RXRA: variants seen among roughly 807,000 people sequenced by gnomAD.
RXRA encodes retinoid X receptor alpha.
A neutral mutation model predicts 44.5 loss-of-function variants in RXRA; 5 were observed. That is an observed-to-expected ratio of 0.11 (90% CI 0.06 to 0.24). The LOEUF is 0.24. Ranked by LOEUF, RXRA falls within the 10% of genes least tolerant of loss-of-function variation. RXRA has a pLI of 1.00. For missense variants in RXRA, 412 were observed against 646.5 expected, an observed-to-expected ratio of 0.64 and a Z score of 3.93; for synonymous variants, 291 against 271.4, an observed-to-expected ratio of 1.07 and a Z score of -0.71.
chr9:134,346,504 T>G (rs1487881792), intron 1 of RXRA, among the ~76,000 whole-genome samples: 1 of 152,188 alleles, frequency 6.6e-6, no homozygotes, highest in African/African-American at 2.4e-5. Context: ...GTCCTGCCAG[T>G]GGCTGGCCGT....
At chr9:134,346,711 T>C (rs1830157301) in intron 1 of RXRA, among the ~76,000 whole-genome samples, 2 of 152,222 alleles carry the variant, frequency 1.3e-5, no homozygotes, top group African/African-American at 4.8e-5. Flanking sequence ...GGGGATGTCA[T>C]GTACCTTCAC....
At chr9:134,401,903 A>C in intron 2 of RXRA, 21 bp downstream of exon 2, 10 of 1,425,248 alleles carry the variant, frequency 7.0e-6, no homozygotes, top group African/African-American at 1.4e-5. Context: ...GGCTGGGGCA[A>C]GGGGAGGGGG....
In RXRA at chr9:134,349,829, G is replaced by A. The variant is rs1446055104; in HGVS notation, c.28+23170G>A. On this transcript the variant is annotated intron_variant, in intron 1 of 9. Coordinates refer to ENST00000481739, the MANE Select transcript of RXRA (RefSeq NM_002957.6). The surrounding 1 kb of genome is among the most constrained non-coding windows in gnomAD (Gnocchi z 4.3). ...AGAGCTGGGCTAGCTCGGGTGGGCG[G>A]GCGGGTGCCGCAGGCTCTCCTGTGG... Among the ~76,000 whole-genome samples, 1 of 146,358 alleles carries A rather than the reference G, an allele frequency of 6.8e-6. No homozygotes were observed. Among genetic ancestry groups the A allele is most frequent in the Non-Finnish European group, 1.5e-5 (1 of 66,446 alleles).
In RXRA at chr9:134,439,094, G is replaced by A. The variant is rs1399359773; in HGVS notation, c.*2480G>A. 3 of 152,262 alleles carry A rather than the reference G, an allele frequency of 2.0e-5. No individual in the cohort carries two copies. The highest frequency in any genetic ancestry group is 7.2e-5 in the African/African-American group (3 of 41,458). The allele number at this position is 152,262 out of a possible 1,614,324, so 9.4% of individuals were successfully genotyped here. On this transcript the variant is annotated 3_prime_UTR_variant, in exon 10 of 10. Transcript: ENST00000481739. Reference sequence around the variant, plus strand: ...GTAGAATTTCTATTTAACCAGACCTGTAGTAGTATTACCAATCCAGTTCAA... The same window carrying A: ...GTAGAATTTCTATTTAACCAGACCTATAGTAGTATTACCAATCCAGTTCAA...
rs1414619953 is a variant in RXRA, at chr9:134,326,658, C to G, written c.27C>G (p.Leu9=). ...TGGACACCAAACATTTCCTGCCGCT[C>G]GGTGAGTGCTCGCCGGGCCGGGCGG... MDTKHFLP[L]DFSTQVNSSL... is the part of the protein sequence containing the mutation. Residue 9 remains leucine, a splice_region_variant and synonymous_variant, in exon 1 of 10, where the codon CTC becomes CTG. Transcript: ENST00000481739. The G allele has an allele frequency of 2.1e-6, 2 of 955,770 alleles. No individual in the cohort carries two copies. The highest frequency in any genetic ancestry group is 2.5e-4 in the East Asian group (2 of 7,864). 59.2% of individuals were successfully genotyped at this position (955,770 alleles called of 1,614,324 possible).
chr9:134,330,880 T>G (rs1834994428), intron 1 of RXRA, among the ~76,000 whole-genome samples: 1 of 152,194 alleles, frequency 6.6e-6, no homozygotes, highest in Non-Finnish European at 1.5e-5. Flanking sequence ...CCTGGTGTGT[T>G]GTAGGCTGGC....
intron 4 of RXRA, among the ~76,000 whole-genome samples, chr9:134,413,041 A>G (rs1018200467): frequency 6.6e-6 from 1 of 151,750 alleles, no homozygotes; most frequent in African/African-American, 2.4e-5. Context: ...TGGCTGACCC[A>G]CAGGTCTCTG....
At chr9:134,432,753 C>T (rs571497949) in intron 8 of RXRA, among the ~76,000 whole-genome samples, 1 of 151,988 alleles carries the variant, frequency 6.6e-6, no homozygotes. Flanking sequence ...CACGGTTGGT[C>T]GAGGGTGCGG....
intron 1 of RXRA, among the ~76,000 whole-genome samples, chr9:134,335,122 A>G (rs951161711): frequency 3.3e-5 from 5 of 152,234 alleles, no homozygotes; most frequent in African/African-American, 1.2e-4. Flanking sequence ...GCCTCCACCT[A>G]GTGTCATGTG....
intron 4 of RXRA, among the ~76,000 whole-genome samples, chr9:134,409,749 C>T (rs1250619813): frequency 6.6e-6 from 1 of 152,220 alleles, no homozygotes; most frequent in East Asian, 1.9e-4. Flanking sequence ...TTGGCGATTC[C>T]TGGCCTCTTA....
At chr9:134,431,076 C>T (rs1339150282) in intron 7 of RXRA, among the ~76,000 whole-genome samples, 2 of 152,258 alleles carry the variant, frequency 1.3e-5, no homozygotes, top group African/African-American at 4.8e-5. Context: ...ACCCTCAGGG[C>T]CGCCCTTGGC....
intron 6 of RXRA, chr9:134,427,040 T>A: frequency 1.1e-5 from 11 of 981,802 alleles, no homozygotes; most frequent in Non-Finnish European, 1.3e-5. Flanking sequence ...CCTGTCCAAG[T>A]CTCTGTGTGA....
chr9:134,425,742 T>C (rs1236010866), intron 6 of RXRA: 6 of 985,234 alleles, frequency 6.1e-6, no homozygotes, highest in Non-Finnish European at 6.0e-6. Flanking sequence ...TAAGCCAGGC[T>C]GGGCTCTTGT....
At chr9:134,341,526 T>C (rs782627542) in intron 1 of RXRA, among the ~76,000 whole-genome samples, 1 of 152,184 alleles carries the variant, frequency 6.6e-6, no homozygotes, top group Non-Finnish European at 1.5e-5. Flanking sequence ...CCGTTGGCTC[T>C]TTTTAGCAAC....
At chr9:134,371,191 G>T (rs965107883) in intron 1 of RXRA, among the ~76,000 whole-genome samples, 9 of 152,186 alleles carry the variant, frequency 5.9e-5, no homozygotes, top group African/African-American at 2.2e-4. Context: ...CGGCCCAGTG[G>T]GGGCTGCTGG....
intron 1 of RXRA, among the ~76,000 whole-genome samples, chr9:134,379,005 G>A (rs950330719): frequency 6.6e-6 from 1 of 152,208 alleles, no homozygotes; most frequent in Non-Finnish European, 1.5e-5. Context: ...CCTTGAGGGT[G>A]GGGGTGGACC....
intron 1 of RXRA, among the ~76,000 whole-genome samples, chr9:134,364,689 C>G (rs1019394372): frequency 6.6e-5 from 10 of 152,196 alleles, no homozygotes; most frequent in African/African-American, 2.4e-4. Flanking sequence ...CCCACACCCC[C>G]TAAGCTGGGC....
chr9:134,421,950 C>T (rs1178857754), intron 6 of RXRA, 145 bp downstream of exon 6: 2 of 1,521,928 alleles, frequency 1.3e-6, no homozygotes, highest in Admixed American at 2.0e-5. Flanking sequence ...ACTCCTACCT[C>T]CCGGGACACT....
chr9:134,423,822 A>G, intron 6 of RXRA: 1 of 985,448 alleles, frequency 1.0e-6, no homozygotes, highest in South Asian at 4.7e-5. Context: ...GCCTGACCCC[A>G]GTGGTCCTTG....
Sources: gnomAD v4.1 joint callset for allele counts (sites outside exome capture counted in the v4.1 genomes callset) on GRCh38, gnomAD v4.1.1 for gene constraint, Gnocchi (gnomAD v3.1) non-coding constraint, MANE v1.5 for transcripts, NCBI Gene and HGNC (gene_info 2026-07-23, HGNC 2026-07-21) for gene names.